Variants in LINGO2 observed in about 807,000 individuals in gnomAD.
The protein encoded by LINGO2 is leucine-rich repeat and immunoglobulin-like domain-containing nogo receptor-interacting protein 2.
LINGO2 carries 14 observed loss-of-function variants against 30.6 expected under a neutral mutation model. That is an observed-to-expected ratio of 0.46 (90% CI 0.30 to 0.72). The LOEUF (loss-of-function observed/expected upper bound fraction) is 0.72, where lower values mean the gene tolerates loss of function less well. Ranked by LOEUF, LINGO2 falls within the 30% of genes least tolerant of loss-of-function variation. The pLI is 0.07. For synonymous variants in LINGO2, 317 were observed against 288.5 expected, an observed-to-expected ratio of 1.10 and a Z score of -1.00; for missense variants, 729 against 751.7, an observed-to-expected ratio of 0.97 and a Z score of 0.35.
intron 3 of LINGO2, among the ~76,000 whole-genome samples, chr9:28,312,479 A>T (rs1439602297): frequency 6.6e-6 from 1 of 152,164 alleles, no homozygotes; most frequent in East Asian, 1.9e-4. Context: ...TTATGATTAC[A>T]TTTTAAAAAT....
the LINGO2 span, among the ~76,000 whole-genome samples, chr9:29,033,862 G>T: frequency 2.6e-5 from 4 of 151,928 alleles, no homozygotes; most frequent in East Asian, 1.9e-4. Flanking sequence ...AAGTGGATCA[G>T]TTGAGCTCAG....
intron 5 of LINGO2, among the ~76,000 whole-genome samples, chr9:27,980,759 A>ATTCC (rs1477112445): frequency 6.6e-6 from 1 of 151,900 alleles, no homozygotes; most frequent in African/African-American, 2.4e-5. Flanking sequence ...GGGTGAGGAT[A>ATTCC]TTCCCTTAGC....
At chr9:28,180,178 C>T (rs764465075) in intron 4 of LINGO2, among the ~76,000 whole-genome samples, 1 of 152,128 alleles carries the variant, frequency 6.6e-6, no homozygotes, top group Non-Finnish European at 1.5e-5. Flanking sequence ...GCAAAACCGT[C>T]TGCTTTATCT....
At chr9:28,408,235 G>T (rs1025950469) in intron 2 of LINGO2, among the ~76,000 whole-genome samples, 6 of 152,022 alleles carry the variant, frequency 3.9e-5, no homozygotes, top group African/African-American at 1.4e-4. Flanking sequence ...GCAAGAAAAT[G>T]TTTATGAATA....
chr9:28,293,056 G>C (rs879291724), intron 4 of LINGO2, among the ~76,000 whole-genome samples: 1 of 151,846 alleles, frequency 6.6e-6, no homozygotes, highest in Admixed American at 6.6e-5. Flanking sequence ...ACAGCCTTGA[G>C]CCACCGCACC....
At chr9:28,168,035 A>G (rs1828480669) in intron 4 of LINGO2, among the ~76,000 whole-genome samples, 1 of 152,168 alleles carries the variant, frequency 6.6e-6, no homozygotes, top group Non-Finnish European at 1.5e-5. Context: ...CCCTGAAAAG[A>G]CAATTTCTCT....
the LINGO2 span, among the ~76,000 whole-genome samples, chr9:28,966,912 C>T: frequency 1.3e-5 from 2 of 151,930 alleles, no homozygotes; most frequent in Non-Finnish European, 2.9e-5. Flanking sequence ...CTTACTGATG[C>T]ATAAAATTGA....
the LINGO2 span, among the ~76,000 whole-genome samples, chr9:29,041,580 C>G: frequency 6.6e-6 from 1 of 151,848 alleles, no homozygotes; most frequent in African/African-American, 2.4e-5. Flanking sequence ...TGTAGCTCAA[C>G]CTAGAGCAAA....
At chr9:29,116,038 G>A in the LINGO2 span, among the ~76,000 whole-genome samples, 2 of 151,864 alleles carry the variant, frequency 1.3e-5, no homozygotes, top group Non-Finnish European at 2.9e-5. Context: ...TGACTCAGGA[G>A]TACTAGAAAA....
At chr9:28,800,017 T>C in the LINGO2 span, among the ~76,000 whole-genome samples, 2 of 152,096 alleles carry the variant, frequency 1.3e-5, no homozygotes, top group Non-Finnish European at 2.9e-5. Context: ...ACTTTAGAAC[T>C]TAGGTTTATT....
At chr9:28,234,866 A>G (rs1414264128) in intron 4 of LINGO2, among the ~76,000 whole-genome samples, 2 of 149,468 alleles carry the variant, frequency 1.3e-5, no homozygotes, top group Admixed American at 1.3e-4. Context: ...CCCTTTATAT[A>G]TACGTATACA....
chr9:27,964,004 A>G (rs1169714132), intron 5 of LINGO2, among the ~76,000 whole-genome samples: 1 of 152,274 alleles, frequency 6.6e-6, no homozygotes, highest in South Asian at 2.1e-4. Flanking sequence ...CCAAAGTCCC[A>G]GACCTGGCAG....
At chr9:28,054,798 A>G (rs113983239) in intron 4 of LINGO2, among the ~76,000 whole-genome samples, 2,344 of 152,218 alleles carry the variant, frequency 0.015, 47 homozygotes, top group African/African-American at 0.05. Flanking sequence ...TTAATTTTTA[A>G]TTTTCAATAT....
intron 4 of LINGO2, among the ~76,000 whole-genome samples, chr9:28,189,857 G>A (rs752422708): frequency 3.1e-4 from 47 of 152,202 alleles, no homozygotes; most frequent in South Asian, 4.1e-4. Context: ...GCACATGTGC[G>A]TGTGCAAACA....
At chr9:28,189,297 AAGGAAGGG>A (rs1819671927) in intron 4 of LINGO2, among the ~76,000 whole-genome samples, 1 of 23,802 alleles carries the variant, frequency 4.2e-5, no homozygotes, top group African/African-American at 1.2e-4. Context: ...GGGAGGAAGG[AAGGAAGGG>A]AGGAAGGAAG....
chr9:28,383,696 T>G (rs1821450610), intron 2 of LINGO2, among the ~76,000 whole-genome samples: 1 of 152,148 alleles, frequency 6.6e-6, no homozygotes, highest in African/African-American at 2.4e-5. Context: ...CATTTAGTAA[T>G]GTAATTCTCT....
chr9:28,426,294 A>C (rs1431620953), intron 2 of LINGO2, among the ~76,000 whole-genome samples: 1 of 152,116 alleles, frequency 6.6e-6, no homozygotes, highest in Non-Finnish European at 1.5e-5. Context: ...AATGATACAT[A>C]ATATATAATA....
At chr9:28,043,380 T>C (rs1824277842) in intron 4 of LINGO2, among the ~76,000 whole-genome samples, 1 of 152,220 alleles carries the variant, frequency 6.6e-6, no homozygotes, top group Non-Finnish European at 1.5e-5. Flanking sequence ...CTCTCTTTAC[T>C]GTACACATTG....
At chr9:28,815,074 T>A in the LINGO2 span, among the ~76,000 whole-genome samples, 2 of 152,220 alleles carry the variant, frequency 1.3e-5, no homozygotes, top group African/African-American at 4.8e-5. Context: ...TTTCAAATTC[T>A]ATAGAGAGGC....
Sources: gnomAD v4.1 joint callset for allele counts (sites outside exome capture counted in the v4.1 genomes callset) on GRCh38, gnomAD v4.1.1 for gene constraint, MANE v1.5 for transcripts, NCBI Gene and HGNC (gene_info 2026-07-23, HGNC 2026-07-21) for gene names.